NTRK2: variants seen among roughly 807,000 people sequenced by gnomAD.
The protein encoded by NTRK2 is neurotrophic receptor tyrosine kinase 2.
Under a neutral mutation model 94.5 loss-of-function variants are expected in NTRK2, and 13 were observed. The observed-to-expected ratio is 0.14, with a 90% CI of 0.09 to 0.22. NTRK2 has a LOEUF of 0.22. Among genes scored for constraint, NTRK2 ranks in the 10% least tolerant of loss-of-function variants. NTRK2 has a pLI of 1.00. For missense variants in NTRK2, 639 were observed against 1,071.2 expected (o/e 0.60, Z 5.63); for synonymous variants, 372 against 407.4 (o/e 0.91, Z 1.05).
At chr9:84,905,930 G>A (rs1356834128) in intron 14 of NTRK2, among the ~76,000 whole-genome samples, 1 of 152,190 alleles carries the variant, frequency 6.6e-6, no homozygotes, top group African/African-American at 2.4e-5. Context: ...TTTAATCTGG[G>A]TACATGAGTA....
chr9:84,860,934 T>A (rs2075309414), intron 12 of NTRK2, 106 bp from the exon 13 acceptor site: 1 of 515,582 alleles, frequency 1.9e-6, no homozygotes, highest in Non-Finnish European at 3.5e-6. Context: ...TTTATTTATT[T>A]TTGTCGGGGG....
intron 12 of NTRK2, among the ~76,000 whole-genome samples, chr9:84,844,519 C>G (rs910596053): frequency 1.3e-5 from 2 of 152,030 alleles, no homozygotes. Flanking sequence ...AATCTGTGGT[C>G]TTTTCCTGCC....
chr9:84,675,647 G>A (rs943563949), intron 2 of NTRK2, among the ~76,000 whole-genome samples: 2 of 152,062 alleles, frequency 1.3e-5, no homozygotes, highest in Admixed American at 6.6e-5. Flanking sequence ...CTTGTTTGAT[G>A]TGTGTTTGTG....
intron 2 of NTRK2, among the ~76,000 whole-genome samples, chr9:84,682,074 T>C (rs927737036): frequency 6.6e-6 from 1 of 152,190 alleles, no homozygotes; most frequent in Admixed American, 6.5e-5. Flanking sequence ...ATCTCCATAA[T>C]GGGAGAGCCT....
intron 14 of NTRK2, among the ~76,000 whole-genome samples, chr9:84,933,903 A>G (rs562809626): frequency 6.6e-6 from 1 of 152,334 alleles, no homozygotes; most frequent in South Asian, 2.1e-4. Flanking sequence ...TTTATCAAGG[A>G]TATTTTGCAG....
chr9:84,845,283 ACG>A (rs2074412936), intron 12 of NTRK2, among the ~76,000 whole-genome samples: 2 of 145,542 alleles, frequency 1.4e-5, no homozygotes, highest in Middle Eastern at 3.5e-3. Context: ...ACACACACAC[ACG>A]GCTATCACTA....
intron 14 of NTRK2, chr9:84,875,235 A>G (rs1587785132): frequency 9.4e-7 from 1 of 1,058,682 alleles, no homozygotes; most frequent in Admixed American, 5.4e-5. Context: ...ATTGTGCTGC[A>G]CAGTGTGTAG....
intron 14 of NTRK2, chr9:84,875,975 A>AG: frequency 1.9e-6 from 2 of 1,038,828 alleles, no homozygotes; most frequent in Non-Finnish European, 2.3e-6. Flanking sequence ...AACCAAAGGC[A>AG]GGGGGGAATC....
At chr9:84,826,337 C>T (rs2073187151) in intron 12 of NTRK2, among the ~76,000 whole-genome samples, 1 of 152,194 alleles carries the variant, frequency 6.6e-6, no homozygotes, top group South Asian at 2.1e-4. Context: ...CGCCTTCTCC[C>T]TGAGTCTCTG....
intron 17 of NTRK2, among the ~76,000 whole-genome samples, chr9:84,993,945 G>A (rs1188340692): frequency 6.6e-6 from 1 of 152,094 alleles, no homozygotes; most frequent in East Asian, 1.9e-4. Flanking sequence ...CAGGCTTCCA[G>A]CCCAAAGCAA....
At chr9:84,876,578 G>T in intron 14 of NTRK2, 1 of 1,056,950 alleles carries the variant, frequency 9.5e-7, no homozygotes, top group Non-Finnish European at 1.1e-6. Flanking sequence ...TGGACTAACT[G>T]GTCTCACATT....
chr9:84,844,284 C>T (rs2074346876), intron 12 of NTRK2, among the ~76,000 whole-genome samples: 1 of 152,214 alleles, frequency 6.6e-6, no homozygotes, highest in Non-Finnish European at 1.5e-5. Flanking sequence ...AGAGTGCTGG[C>T]TGCTGCCTTT....
At chr9:84,872,924 T>C (rs200043719) in intron 14 of NTRK2, 86 of 1,065,126 alleles carry the variant, frequency 8.1e-5, no homozygotes, top group Non-Finnish European at 9.3e-5. Context: ...GTCCTTGTCT[T>C]ACCAATAAGG....
chr9:84,999,393 T>A (rs775554179), intron 17 of NTRK2, among the ~76,000 whole-genome samples: 2 of 152,204 alleles, frequency 1.3e-5, no homozygotes, highest in Non-Finnish European at 2.9e-5. Context: ...TATTCTAATG[T>A]CTTTAGCTAT....
At chr9:84,902,129 G>C (rs1295124435) in intron 14 of NTRK2, among the ~76,000 whole-genome samples, 1 of 151,254 alleles carries the variant, frequency 6.6e-6, no homozygotes, top group Admixed American at 6.6e-5. Flanking sequence ...CTGGGAGTCA[G>C]AAGCTGCAGG....
chr9:84,936,517 C>T (rs1168471665), intron 15 of NTRK2, among the ~76,000 whole-genome samples: 4 of 152,142 alleles, frequency 2.6e-5, no homozygotes, highest in African/African-American at 9.7e-5. Context: ...AGTGAGGCCC[C>T]TCTCTAGTTT....
chr9:84,712,573 T>G (rs2061480512), intron 6 of NTRK2, among the ~76,000 whole-genome samples: 1 of 152,146 alleles, frequency 6.6e-6, no homozygotes, highest in South Asian at 2.1e-4. Context: ...TATAGAAGAG[T>G]GTGGCAAGTG....
At chr9:85,018,619 G>A (rs1014304215) in intron 17 of NTRK2, among the ~76,000 whole-genome samples, 6 of 152,214 alleles carry the variant, frequency 3.9e-5, no homozygotes, top group Admixed American at 2.6e-4. Flanking sequence ...GGGTCACAGA[G>A]TTATAAACAG....
At chr9:84,783,008 A>G (rs2067751029) in intron 12 of NTRK2, among the ~76,000 whole-genome samples, 1 of 152,198 alleles carries the variant, frequency 6.6e-6, no homozygotes, top group African/African-American at 2.4e-5. Context: ...AAGAGAAACT[A>G]CTGAAGCTTC....
Sources: gnomAD v4.1 joint callset for allele counts (sites outside exome capture counted in the v4.1 genomes callset) on GRCh38, gnomAD v4.1.1 for gene constraint, MANE v1.5 for transcripts, NCBI Gene and HGNC (gene_info 2026-07-23, HGNC 2026-07-21) for gene names.